The following CCDC14 variants were observed in gnomAD, a reference collection of about 807,000 sequenced individuals.
The protein encoded by CCDC14 is coiled-coil domain-containing protein 14.
Under a neutral mutation model 81.4 loss-of-function variants are expected in CCDC14, and 71 were observed. The observed-to-expected ratio is 0.87, with a 90% CI of 0.72 to 1.06. The LOEUF (loss-of-function observed/expected upper bound fraction) is 1.06. CCDC14 is among the 50% of genes least tolerant of loss of function. The pLI is 0.00. For synonymous variants in CCDC14, 332 were observed against 364.8 expected, an observed-to-expected ratio of 0.91 and a Z score of 1.03; for missense variants, 1,046 against 1,047.3, an observed-to-expected ratio of 1.00 and a Z score of 0.02.
At chr3:123,943,662 C>CT (rs1367156872) in intron 9 of CCDC14, among the ~76,000 whole-genome samples, 2 of 152,058 alleles carry the variant, frequency 1.3e-5, no homozygotes, top group African/African-American at 4.8e-5. Flanking sequence ...AGATCATACC[C>CT]TTTTTGTCAA....
chr3:123,940,864 G>A (rs186173952), intron 9 of CCDC14, among the ~76,000 whole-genome samples: 15 of 151,942 alleles, frequency 9.9e-5, no homozygotes, highest in Admixed American at 7.2e-4. Context: ...TAACTCACAG[G>A]CTCTCCTATT....
In CCDC14 at chr3:123,931,250, T is replaced by G. The variant is rs558083627; in HGVS notation, c.1646-16A>C. ...TCCTCCAATTCTAAAACAACAAAAG[T>G]TTCAGTTTCCTTATTCCTTTTAAAA... On this transcript the variant is annotated splice_polypyrimidine_tract_variant and intron_variant, in intron 11 of 12. Coordinates refer to ENST00000409697, the MANE Select transcript of CCDC14 (RefSeq NM_001366335.1). 45 of 1,593,628 alleles carry G rather than the reference T, an allele frequency of 2.8e-5. 1 individual carries two copies. In the South Asian group the frequency reaches 4.6e-4, roughly 16 times the overall value.
chr3:123,951,277 T>C (rs1422939089), intron 5 of CCDC14, among the ~76,000 whole-genome samples: 2 of 152,182 alleles, frequency 1.3e-5, no homozygotes, highest in Non-Finnish European at 2.9e-5. Flanking sequence ...ACCAAATAGC[T>C]GCACTCTTAC....
chr3:123,937,882 C>G (rs1428045448), intron 9 of CCDC14, among the ~76,000 whole-genome samples: 5 of 151,780 alleles, frequency 3.3e-5, no homozygotes, highest in Admixed American at 1.3e-4. Flanking sequence ...AAACATGACT[C>G]TCTCATTGTT....
chr3:123,924,954 T>TACAC (rs67990689), intron 12 of CCDC14, among the ~76,000 whole-genome samples: 7,552 of 147,306 alleles, frequency 0.051, 605 homozygotes, highest in African/African-American at 0.17. Flanking sequence ...TATACATATA[T>TACAC]ACACACACAC....
At chr3:123,950,183 G>GT (rs2036923568) in intron 5 of CCDC14, among the ~76,000 whole-genome samples, 2 of 152,032 alleles carry the variant, frequency 1.3e-5, no homozygotes. Flanking sequence ...TAAATCATAG[G>GT]TTATCAGTAT....
Position 123,948,766 on chromosome 3 carries a change from A to C in CCDC14, c.609T>G (p.His203Gln), listed in dbSNP as rs1334199301. 6.3e-7 allele frequency: 1 copy of C among 1,597,474 alleles called. No homozygotes were observed. The highest frequency in any genetic ancestry group is 2.2e-5 in the East Asian group (1 of 44,816). Residue 203 changes from histidine to glutamine, a missense_variant, in exon 7 of 13, where the codon CAT becomes CAG. By Grantham distance (24) the His-to-Gln change is conservative. Transcript: ENST00000409697. Reference protein sequence around the residue: ...PSHSESQATPHSSYGLCTSTP... With the variant: ...PSHSESQATPQSSYGLCTSTP... ...TGGAGGTACATAAGCCATAACTAGA[A>C]TGAGGAGTTGCCTGAGATTCTGTAA...
chr3:123,939,018 C>T (rs1920229), intron 9 of CCDC14, among the ~76,000 whole-genome samples: 16,793 of 151,888 alleles, frequency 0.11, 2,239 homozygotes, highest in East Asian at 0.36. Context: ...CATCTGTCTA[C>T]TCTTTTGTTT....
chr3:123,948,512 T>C lies in CCDC14; in HGVS notation c.684+179A>G, dbSNP rs181890698. Among the ~76,000 whole-genome samples, 81 of 152,324 alleles carry C rather than the reference T, an allele frequency of 5.3e-4. 1 individual carries two copies. The South Asian group carries it at 8.7e-3, about 16-fold the overall frequency. ...ACCTCGGCCTCCCAAAGTGCCGGGA[T>C]TACAGGCGTTTAGCCACGGCGCTCG... On this transcript the variant is annotated intron_variant, in intron 7 of 12. Transcript: ENST00000409697.
chr3:123,927,001 T>C (rs1467356051), intron 12 of CCDC14, among the ~76,000 whole-genome samples: 1 of 152,188 alleles, frequency 6.6e-6, no homozygotes, highest in Non-Finnish European at 1.5e-5. Flanking sequence ...CTTATAGTAC[T>C]AGAGATGTTC....
At chr3:123,953,425 C>A (rs2037146742) in intron 5 of CCDC14, 1 of 152,190 alleles carries the variant, frequency 6.6e-6, no homozygotes, top group Non-Finnish European at 1.5e-5. Context: ...ATGGGTCCAC[C>A]ATATCACCCC....
intron 1 of CCDC14, among the ~76,000 whole-genome samples, chr3:123,960,694 A>G (rs1359787517): frequency 3.9e-5 from 6 of 152,298 alleles, no homozygotes; most frequent in South Asian, 4.2e-4. Context: ...GTCTACAACA[A>G]CTGTGTGATC....
At chr3:123,892,377 T>C (rs889306065), downstream of CCDC14, among the ~76,000 whole-genome samples, 3 of 152,192 alleles carry the variant, frequency 2.0e-5, no homozygotes, top group Non-Finnish European at 4.4e-5. Context: ...GTCCTGAGGC[T>C]GCACAGAGCA....
intron 5 of CCDC14, chr3:123,954,758 A>T (rs1436112171): frequency 6.6e-6 from 1 of 152,162 alleles, no homozygotes; most frequent in Non-Finnish European, 1.5e-5. Flanking sequence ...TATTCCAAAC[A>T]TACTTAAAAG....
At chr3:123,921,919 A>C (rs533680723) in intron 12 of CCDC14, among the ~76,000 whole-genome samples, 13 of 152,332 alleles carry the variant, frequency 8.5e-5, no homozygotes, top group Admixed American at 5.2e-4. Context: ...ATCCTACAGC[A>C]ACAGAGTACA....
Position 123,931,322 on chromosome 3 carries a change from G to C in CCDC14, c.1631C>G (p.Thr544Arg). Residue 544 changes from threonine to arginine, a missense_variant, in exon 11 of 13, where the codon ACA (threonine) becomes AGA (arginine). Transcript: ENST00000409697. ...TAAATACGTACCAATTTTTATTCTT[G>C]TTATCTCAATATCATATTGCTGTTT... ...ENKQQYDIEI[T>R]RIKIELEEAL... The C allele has an allele frequency of 3.9e-6, 6 of 1,526,510 alleles. No individual in the cohort carries two copies. Among genetic ancestry groups the C allele is most frequent in the Non-Finnish European group, 4.4e-6 (5 of 1,123,974 alleles). 94.6% of individuals were successfully genotyped at this position (1,526,510 alleles called of 1,614,324 possible). A position where few individuals can be genotyped will look rare whatever the true frequency, so the allele number is the denominator to read the frequency against.
intron 12 of CCDC14, 81 bp downstream of exon 12, chr3:123,931,021 C>G: frequency 8.4e-7 from 1 of 1,187,486 alleles, no homozygotes; most frequent in Non-Finnish European, 1.1e-6. Flanking sequence ...GGGGAGAAAA[C>G]AGGTCTAACA....
chr3:123,939,459 T>TG (rs2036231224), intron 9 of CCDC14, among the ~76,000 whole-genome samples: 1 of 151,186 alleles, frequency 6.6e-6, no homozygotes, highest in Non-Finnish European at 1.5e-5. Context: ...TTTTTTTTTT[T>TG]TTTTAGAGAT....
chr3:123,909,760 C>T (rs560024778), downstream of CCDC14, among the ~76,000 whole-genome samples: 11 of 152,182 alleles, frequency 7.2e-5, no homozygotes, highest in East Asian at 2.1e-3. Context: ...TATTATTAGA[C>T]CATGCTAGTA....
Sources: gnomAD v4.1 joint callset for allele counts (sites outside exome capture counted in the v4.1 genomes callset) on GRCh38, gnomAD v4.1.1 for gene constraint, MANE v1.5 for transcripts, NCBI Gene and HGNC (gene_info 2026-07-23, HGNC 2026-07-21) for gene names.